Variants in RNFT1 observed in about 807,000 individuals in gnomAD.
RNFT1 encodes ring finger protein, transmembrane 1, also known as E3 ubiquitin-protein ligase RNFT1.
RNFT1 carries 35 observed loss-of-function variants against 53.2 expected under a neutral mutation model. The ratio of observed to expected loss-of-function variants is 0.66; its 90% confidence interval spans 0.50 to 0.87. The LOEUF (loss-of-function observed/expected upper bound fraction) is 0.87, where lower values mean the gene tolerates loss of function less well. Among genes scored for constraint, RNFT1 ranks in the 40% least tolerant of loss-of-function variants. The pLI is 0.00. For synonymous variants in RNFT1, 141 were observed against 172.8 expected (o/e 0.82, Z 1.44); for missense variants, 421 against 515.0 (o/e 0.82, Z 1.77).
At chr17:59,962,325 T>G in intron 3 of RNFT1, 1 of 455,302 alleles carries the variant, frequency 2.2e-6, no homozygotes. Context: ...AACCAATTTT[T>G]TTTTCTTACA....
At position 59,952,756 on chromosome 17, in the gene RNFT1, A is replaced by G; in HGVS notation, c.*221T>C. 1 of 359,866 alleles carries G rather than the reference A, an allele frequency of 2.8e-6. No individual in the cohort carries two copies. Among genetic ancestry groups the G allele is most frequent in the Non-Finnish European group, 5.0e-6 (1 of 201,896 alleles). The allele number at this position is 359,866 out of a possible 1,614,324, so 22.3% of individuals were successfully genotyped here. ...TGCAGTTACCTGTCAAATAATTAGAATAGAATAAATGTTGCATATACATTA... is the reference window on the plus strand; with the variant it reads ...TGCAGTTACCTGTCAAATAATTAGAGTAGAATAAATGTTGCATATACATTA... On this transcript the variant is annotated 3_prime_UTR_variant, in exon 9 of 9. Transcript: ENST00000305783.
chr17:59,956,650 A>G (rs531189452), intron 6 of RNFT1, 97 bp from the exon 7 acceptor site: 2 of 802,752 alleles, frequency 2.5e-6, no homozygotes, highest in South Asian at 1.5e-5. Flanking sequence ...AAATCCTCAT[A>G]TTAACTTAAT....
chr17:59,956,042 A>G (rs1382459258), intron 7 of RNFT1, among the ~76,000 whole-genome samples: 1 of 152,182 alleles, frequency 6.6e-6, no homozygotes, highest in Non-Finnish European at 1.5e-5. Context: ...CCAGTAAGAA[A>G]ACTGCAAGAG....
rs191696568 is a variant in RNFT1, at chr17:59,952,808, C to T, written c.*169G>A. On this transcript the variant is annotated 3_prime_UTR_variant, in exon 9 of 9. Coordinates refer to ENST00000305783, the MANE Select transcript of RNFT1 (RefSeq NM_016125.4). The stretch of plus-strand genomic sequence containing the variant: ...GTTGAACATTATATATATTTTAAAA[C>T]ACAGGGTGGTTTCATTTAATCTTTT... The T allele has an allele frequency of 3.8e-4, 208 of 545,660 alleles. No individual in the cohort carries two copies. Among genetic ancestry groups the T allele is most frequent in the Non-Finnish European group, 6.0e-4 (190 of 315,826 alleles). 33.8% of individuals were successfully genotyped at this position (545,660 alleles called of 1,614,324 possible).
rs1258952299 is a variant in RNFT1 at position 59,954,065 on chromosome 17, G to A, written c.1153C>T (p.Pro385Ser). 1 of 1,585,898 alleles carries A rather than the reference G, an allele frequency of 6.3e-7. No individual in the cohort carries two copies. The highest frequency in any genetic ancestry group is 8.6e-7 in the Non-Finnish European group (1 of 1,167,730). The change falls in exon 8 of 9, where the codon CCA (proline) becomes TCA (serine). Residue 385 changes from proline (P) to serine (S), a missense_variant. Physicochemically the swap from Pro to Ser is moderately conservative, Grantham distance 74 (BLOSUM62 -1). Coordinates refer to ENST00000305783, the MANE Select transcript of RNFT1 (RefSeq NM_016125.4). ...CSICQAEFQK[P>S]ILLICQHIFC... Reference sequence around the variant, plus strand: ...ATTACCTGACAAATGAGAAGAATTGGCTTCTGAAATTCAGCTTGACATATT... The same window carrying A: ...ATTACCTGACAAATGAGAAGAATTGACTTCTGAAATTCAGCTTGACATATT...
chr17:59,955,986 A>G (rs1311892993), intron 7 of RNFT1, among the ~76,000 whole-genome samples: 1 of 152,222 alleles, frequency 6.6e-6, no homozygotes, highest in African/African-American at 2.4e-5. Context: ...ATTTCATGCC[A>G]TGAACGTATT....
In RNFT1 at chr17:59,953,073, G is replaced by A; in HGVS notation, c.1212C>T (p.Asn404=). Residue 404 remains asparagine (N), a synonymous_variant, in exon 9 of 9, where the codon AAC becomes AAT. Transcript: ENST00000305783. ...TGCAGAGTGGACATGTTTTCTCTCT[G>A]TTAAACCATAAGGTCATGCACTCTT... ...FCEECMTLWF[N]REKTCPLCRT... 1 of 1,611,570 alleles carries A rather than the reference G, an allele frequency of 6.2e-7. No homozygotes were observed. The highest frequency in any genetic ancestry group is 1.3e-5 in the African/African-American group (1 of 74,954).
chr17:59,952,980 A>G lies in RNFT1; in HGVS notation c.1305T>C (p.Tyr435=). 2 of 1,612,558 alleles carry G rather than the reference A, an allele frequency of 1.2e-6. No homozygotes were observed. Among genetic ancestry groups the G allele is most frequent in the Non-Finnish European group, 1.7e-6 (2 of 1,179,612 alleles). ...TGGCCTTGATAGTTTATACAACTTA[A>G]TATATTTGAAGGTGTGATGAAGTGG... is the stretch of plus-strand genomic sequence containing the variant. The part of the protein sequence containing the change: ...DGATSSHLQI[Y] The change falls in exon 9 of 9, where the codon TAT becomes TAC. Residue 435 remains tyrosine (Y), a synonymous_variant. Coordinates refer to ENST00000305783, the MANE Select transcript of RNFT1 (RefSeq NM_016125.4).
At chr17:59,953,269 C>A (rs1883248408) in intron 8 of RNFT1, among the ~76,000 whole-genome samples, 158 bp from the exon 9 acceptor site, 1 of 151,096 alleles carries the variant, frequency 6.6e-6, no homozygotes, top group Non-Finnish European at 1.5e-5. Flanking sequence ...CATCTCGGCT[C>A]ACTGCAACCT....
intron 7 of RNFT1, 74 bp from the exon 8 acceptor site, chr17:59,954,220 G>T: frequency 2.0e-6 from 2 of 990,496 alleles, no homozygotes; most frequent in Non-Finnish European, 3.1e-6. Context: ...AAGTAATGCT[G>T]TACTTCTCAA....
chr17:59,963,137 T>A lies in RNFT1; in HGVS notation c.204A>T (p.Thr68=). ...STPQCVHTRL[T]GEGSCPHSGD... The stretch of plus-strand genomic sequence containing the variant: ...CAGAATGAGGGCAAGAACCCTCTCC[T>A]GTCAATCTTGTGTGGACACACTGAG... Residue 68 remains threonine (T), a synonymous_variant, in exon 2 of 9, where the codon ACA becomes ACT. Transcript: ENST00000305783. 1.2e-6 allele frequency: 2 copies of A among 1,614,238 alleles called. No individual in the cohort carries two copies. The highest frequency in any genetic ancestry group is 1.1e-5 in the South Asian group (1 of 91,092).
At position 59,952,707 on chromosome 17, in the gene RNFT1, G is replaced by A. The variant is rs1166545447; in HGVS notation, c.*270C>T. 3 of 241,248 alleles carry A rather than the reference G, an allele frequency of 1.2e-5. No homozygotes were observed. In the East Asian group the frequency reaches 2.4e-4, roughly 19 times the overall value. The allele number at this position is 241,248 out of a possible 1,614,324, so 14.9% of individuals were successfully genotyped here. A position where few individuals can be genotyped will look rare whatever the true frequency, so the allele number is the denominator to read the frequency against. On this transcript the variant is annotated 3_prime_UTR_variant, in exon 9 of 9. Transcript: ENST00000305783. ...CAAATTGCTGTTTTGGTAACATAAA[G>A]AAAACACATTTACAATTTAACACTG...
At position 59,952,942 on chromosome 17, in the gene RNFT1, CATT is replaced by C; in HGVS notation, c.*32_*34del. 6.3e-7 allele frequency: 1 copy of C among 1,596,754 alleles called. No homozygotes were observed. Among genetic ancestry groups the C allele is most frequent in the Non-Finnish European group, 8.5e-7 (1 of 1,169,818 alleles). ...ATCAGTAGTCATTATGACCAAATGA[CATT>C]AGTATTTTGTGGCCTTGATAGTTTA... On this transcript the variant is annotated 3_prime_UTR_variant, in exon 9 of 9. Transcript: ENST00000305783.
At chr17:59,964,475 C>T in intron 1 of RNFT1, 133 bp downstream of exon 1, 1 of 704,306 alleles carries the variant, frequency 1.4e-6, no homozygotes, top group South Asian at 2.3e-5. Flanking sequence ...GAAAATTCAA[C>T]ACAACTCTTC....
At chr17:59,954,970 G>A (rs1463445751) in intron 7 of RNFT1, among the ~76,000 whole-genome samples, 2 of 152,168 alleles carry the variant, frequency 1.3e-5, no homozygotes, top group Non-Finnish European at 1.5e-5. Flanking sequence ...TAGATGTGAT[G>A]TCAATAACCC....
rs549557913 is a variant in RNFT1, at chr17:59,955,291, T to C, written c.1072-1145A>G. ...GATCTTGGTGTCAATTTCCCTTCAG[T>C]AAGGTGTCATTTAGCAAAGTACATT... On this transcript the variant is annotated intron_variant, in intron 7 of 8. Coordinates refer to ENST00000305783, the MANE Select transcript of RNFT1 (RefSeq NM_016125.4). Among the ~76,000 whole-genome samples, 6 of 152,298 alleles carry C rather than the reference T, an allele frequency of 3.9e-5. No homozygotes were observed. The East Asian group carries it at 1.2e-3, about 29-fold the overall frequency.
intron 5 of RNFT1, 147 bp from the exon 6 acceptor site, chr17:59,957,529 A>C (rs1268714238): frequency 9.9e-6 from 6 of 606,196 alleles, no homozygotes; most frequent in Non-Finnish European, 1.6e-5. Context: ...ACTGAACCTC[A>C]AGCTGGTTCT....
At chr17:59,954,292 C>T (rs1162625604) in intron 7 of RNFT1, 146 bp from the exon 8 acceptor site, 4 of 606,548 alleles carry the variant, frequency 6.6e-6, no homozygotes, top group Non-Finnish European at 1.2e-5. Flanking sequence ...CAAAGCTGAG[C>T]CATATACAGA....
intron 1 of RNFT1, among the ~76,000 whole-genome samples, chr17:59,964,138 T>A (rs937556844): frequency 6.6e-6 from 1 of 152,158 alleles, no homozygotes; most frequent in Non-Finnish European, 1.5e-5. Context: ...AGAGTCGGAA[T>A]CCCAGCTGAC....
Sources: allele counts gnomAD v4.1 joint callset (sites outside exome capture counted in the v4.1 genomes callset), GRCh38; gene constraint gnomAD v4.1.1; transcripts MANE v1.5; gene names NCBI Gene and HGNC (gene_info 2026-07-23, HGNC 2026-07-21).